Variants in HEATR4 observed in about 807,000 individuals in gnomAD.
HEATR4 encodes HEAT repeat-containing protein 4.
Under a neutral mutation model 108.8 loss-of-function variants are expected in HEATR4, and 95 were observed. The ratio of observed to expected loss-of-function variants is 0.87; its 90% CI spans 0.74 to 1.04. HEATR4 has a LOEUF of 1.04. Ranked by LOEUF, HEATR4 falls within the 50% of genes least tolerant of loss-of-function variation. The pLI is 0.00. For synonymous variants in HEATR4, 443 were observed against 459.4 expected (o/e 0.96, Z 0.46); for missense variants, 1,152 against 1,253.8 (o/e 0.92, Z 1.23).
In HEATR4 at chr14:73,491,047, G is replaced by T. The variant is rs765483658; in HGVS notation, c.2844+2019C>A. On this transcript the variant is annotated intron_variant, in intron 17 of 17. Coordinates refer to ENST00000553558, the MANE Select transcript of HEATR4 (RefSeq NM_001220484.1). ...ATGGGCTCCAGGCCAGTGCAGGGCC[G>T]TTGAGGCGCGGGCGGCCGAAGCGCC... The T allele has an allele frequency of 5.0e-6, 8 of 1,587,232 alleles. No individual in the cohort carries two copies. The South Asian group carries it at 9.2e-5, about 18-fold the overall frequency.
rs761097429 is a variant in HEATR4 at position 73,495,405 on chromosome 14, A to G, written c.2626-18T>C. 10 of 1,603,844 alleles carry G rather than the reference A, an allele frequency of 6.2e-6. No individual in the cohort carries two copies. Among genetic ancestry groups the G allele is most frequent in the Non-Finnish European group, 8.5e-6 (10 of 1,173,802 alleles). The stretch of plus-strand genomic sequence containing the variant: ...GTTTTAATCTAAATTAGAACAAATA[A>G]TGTTTGAAAAACAAAACAAAACACC... On this transcript the variant is annotated intron_variant, in intron 15 of 17. Coordinates refer to ENST00000553558, the MANE Select transcript of HEATR4 (RefSeq NM_001220484.1).
At chr14:73,621,433 C>G in the HEATR4 span, among the ~76,000 whole-genome samples, 108 of 152,282 alleles carry the variant, frequency 7.1e-4, no homozygotes, top group Non-Finnish European at 8.8e-5. Context: ...CTCCCACAAC[C>G]ATCTAGTCCA....
At chr14:73,541,492 G>A in intron 1 of HEATR4, 1 of 1,244,580 alleles carries the variant, frequency 8.0e-7, no homozygotes, top group Non-Finnish European at 1.1e-6. Flanking sequence ...TTCTTCCCAA[G>A]AACCTGGGCC....
chr14:73,489,104 C>T (rs971065527), intron 17 of HEATR4, among the ~76,000 whole-genome samples: 1 of 147,534 alleles, frequency 6.8e-6, no homozygotes, highest in Admixed American at 6.7e-5. Flanking sequence ...GATTTGTCTG[C>T]CTCAACACTA....
intron 6 of HEATR4, 68 bp from the exon 7 acceptor site, chr14:73,512,217 G>A (rs780303024): frequency 1.5e-5 from 24 of 1,555,562 alleles, no homozygotes; most frequent in Non-Finnish European, 2.1e-5. Flanking sequence ...CTGCAGGCAG[G>A]TGACAAGAAG....
chr14:73,616,233 A>C, the HEATR4 span, among the ~76,000 whole-genome samples: 2 of 151,872 alleles, frequency 1.3e-5, no homozygotes, highest in Non-Finnish European at 2.9e-5. Context: ...CTCCCAAAGC[A>C]CTGGGATTAT....
the HEATR4 span, among the ~76,000 whole-genome samples, chr14:73,626,861 C>T: frequency 4.6e-5 from 6 of 129,410 alleles, no homozygotes; most frequent in East Asian, 4.8e-4. Flanking sequence ...TGCAATGGTA[C>T]GATCTCAGCT....
At chr14:73,514,280 G>T in intron 5 of HEATR4, 46 bp from the exon 6 acceptor site, 1 of 1,561,072 alleles carries the variant, frequency 6.4e-7, no homozygotes, top group Non-Finnish European at 8.8e-7. Flanking sequence ...ACTGCCTTAG[G>T]CCCTGCCACA....
chr14:73,497,695 C>T (rs1408249897), intron 14 of HEATR4, among the ~76,000 whole-genome samples: 3 of 152,146 alleles, frequency 2.0e-5, no homozygotes, highest in South Asian at 2.1e-4. Context: ...GGCACCATCT[C>T]GGCTCACCGC....
chr14:73,619,576 G>A, the HEATR4 span: 2 of 1,614,068 alleles, frequency 1.2e-6, no homozygotes, highest in African/African-American at 1.3e-5. Flanking sequence ...TGAATTCTAT[G>A]CTCAGATAGC....
intron 17 of HEATR4, among the ~76,000 whole-genome samples, chr14:73,480,418 C>T (rs975742401): frequency 7.2e-5 from 11 of 151,824 alleles, no homozygotes; most frequent in South Asian, 2.1e-4. Flanking sequence ...CTAGCCTGGG[C>T]GACAGAGAGA....
the HEATR4 span, chr14:73,595,224 T>C: frequency 1.9e-6 from 3 of 1,614,094 alleles, no homozygotes; most frequent in African/African-American, 4.0e-5. Context: ...GGCTATGACC[T>C]GAGGAGAATC....
upstream of HEATR4, among the ~76,000 whole-genome samples, chr14:73,560,657 A>T (rs1411696843): frequency 1.6e-5 from 2 of 127,016 alleles, no homozygotes; most frequent in African/African-American, 2.9e-5. Context: ...GCAAGACTCC[A>T]TCTCAAAAAA....
chr14:73,487,609 T>C (rs1366491474), intron 17 of HEATR4, among the ~76,000 whole-genome samples: 1 of 152,038 alleles, frequency 6.6e-6, no homozygotes, highest in African/African-American at 2.4e-5. Flanking sequence ...TAGCAGGGCA[T>C]GGTGGCTCAT....
chr14:73,627,741 T>G, the HEATR4 span, among the ~76,000 whole-genome samples: 1 of 152,164 alleles, frequency 6.6e-6, no homozygotes, highest in East Asian at 1.9e-4. Context: ...TCATTGCCCA[T>G]TGGTGATCAG....
In HEATR4 at chr14:73,523,220, G is replaced by A. The variant is rs912478860; in HGVS notation, c.-68C>T. On this transcript the variant is annotated 5_prime_UTR_variant, in exon 3 of 18. Coordinates refer to ENST00000553558, the MANE Select transcript of HEATR4 (RefSeq NM_001220484.1). ...GAGGAAAGGCCTGGAGATGAGACCTGGCACCTGTTAAGGGAATGGGAGGAA... is the reference window on the plus strand; with the variant it reads ...GAGGAAAGGCCTGGAGATGAGACCTAGCACCTGTTAAGGGAATGGGAGGAA... 34 of 1,447,690 alleles carry A rather than the reference G, an allele frequency of 2.3e-5. No individual in the cohort carries two copies. Among genetic ancestry groups the A allele is most frequent in the Non-Finnish European group, 3.0e-5 (33 of 1,090,598 alleles). 89.7% of individuals were successfully genotyped at this position (1,447,690 alleles called of 1,614,324 possible). A position where few individuals can be genotyped will look rare whatever the true frequency, so the allele number is the denominator to read the frequency against.
intron 3 of HEATR4, 93 bp downstream of exon 3, chr14:73,522,179 G>T: frequency 7.8e-7 from 1 of 1,285,930 alleles, no homozygotes; most frequent in Non-Finnish European, 1.1e-6. Context: ...ATGGGAGAGT[G>T]CATTCTGAAA....
intron 11 of HEATR4, among the ~76,000 whole-genome samples, chr14:73,502,667 C>T (rs1301489466): frequency 6.6e-6 from 1 of 152,118 alleles, no homozygotes; most frequent in Non-Finnish European, 1.5e-5. Flanking sequence ...CCTGTCTCAG[C>T]CTCCCGAGTA....
At chr14:73,529,082 G>C (rs1595145197) in intron 2 of HEATR4, 1 of 152,128 alleles carries the variant, frequency 6.6e-6, no homozygotes, top group East Asian at 1.9e-4. Flanking sequence ...GGCCAGGCGT[G>C]GTGGATCATG....
Sources: allele counts gnomAD v4.1 joint callset (sites outside exome capture counted in the v4.1 genomes callset), GRCh38; gene constraint gnomAD v4.1.1; transcripts MANE v1.5; gene names NCBI Gene and HGNC (gene_info 2026-07-23, HGNC 2026-07-21).